The following MANSC1 variants were observed in gnomAD, a reference collection of about 807,000 sequenced individuals.
MANSC1 encodes MANSC domain containing 1, also known as MANSC domain-containing protein 1.
In MANSC1, 13 loss-of-function variants were observed where a neutral mutation model predicts 14.1. The ratio of observed to expected loss-of-function variants is 0.92; its 90% confidence interval spans 0.60 to 1.46. The LOEUF is 1.46. Ranked by LOEUF, MANSC1 falls within the 40% of genes most tolerant of loss-of-function variation. MANSC1 has a pLI of 0.00. For missense variants in MANSC1, 486 were observed against 511.4 expected (o/e 0.95, Z 0.48); for synonymous variants, 227 against 200.7 (o/e 1.13, Z -1.11).
chr12:12,338,796 G>A (rs1862894097), intron 2 of MANSC1: 2 of 553,100 alleles, frequency 3.6e-6, no homozygotes, highest in Non-Finnish European at 6.4e-6. Context: ...AGGCGAAGAA[G>A]GAAGCTCCTG....
At chr12:12,346,165 C>T (rs754343762) in intron 1 of MANSC1, among the ~76,000 whole-genome samples, 10 of 145,820 alleles carry the variant, frequency 6.9e-5, no homozygotes, top group Admixed American at 1.4e-4. Context: ...CCCAGCTACT[C>T]GGGAGGCTGA....
intron 1 of MANSC1, among the ~76,000 whole-genome samples, chr12:12,346,967 T>C (rs1477649551): frequency 1.4e-5 from 2 of 142,688 alleles, no homozygotes; most frequent in Non-Finnish European, 1.5e-5. Flanking sequence ...TTTGAGGTGG[T>C]TTTTTTTTTT....
At chr12:12,345,320 CAAA>C (rs35001300) in intron 1 of MANSC1, among the ~76,000 whole-genome samples, 3 of 93,098 alleles carry the variant, frequency 3.2e-5, no homozygotes, top group Non-Finnish European at 2.3e-5. Flanking sequence ...AACTCCGTCT[CAAA>C]AAAAAAAAAA....
In MANSC1 at chr12:12,332,097, C is replaced by T. The variant is rs73277472; in HGVS notation, c.365-1139G>A. Among the ~76,000 whole-genome samples the T allele has an allele frequency of 5.5e-3, 838 of 152,282 alleles. 7 individuals are homozygous for T. Among genetic ancestry groups the T allele is most frequent in the African/African-American group, 0.019 (804 of 41,562 alleles). ...ACAGCTCAAACTGGAAAGACCTGTT[C>T]AAGCAATCAAGTGCAGGGAATGACC... is the stretch of plus-strand genomic sequence containing the variant. On this transcript the variant is annotated intron_variant, in intron 3 of 3. Coordinates refer to ENST00000535902, the MANE Select transcript of MANSC1 (RefSeq NM_018050.4).
intron 2 of MANSC1, among the ~76,000 whole-genome samples, chr12:12,341,863 A>G (rs902002528): frequency 2.0e-5 from 3 of 152,220 alleles, no homozygotes; most frequent in Non-Finnish European, 2.9e-5. Context: ...GTGGTGGCGA[A>G]CACCTGTAAT....
intron 2 of MANSC1, 42 bp downstream of exon 2, chr12:12,343,050 A>C: frequency 6.9e-7 from 1 of 1,458,306 alleles, no homozygotes; most frequent in Non-Finnish European, 9.6e-7. Context: ...CTGAAGCCAC[A>C]AAACACATGG....
chr12:12,344,191 G>A (rs1862974185), intron 1 of MANSC1, among the ~76,000 whole-genome samples: 1 of 151,682 alleles, frequency 6.6e-6, no homozygotes, highest in African/African-American at 2.4e-5. Flanking sequence ...CCACTCTTTT[G>A]AATTGTTATT....
chr12:12,326,834 A>C lies in MANSC1; in HGVS notation c.*3193T>G, dbSNP rs1862713147. ...TTATTTTATTTTATTTTTTTGAGAT[A>C]GAGTCTTGCTCTGTCGCCTAGGCTG... On this transcript the variant is annotated 3_prime_UTR_variant, in exon 4 of 4. Transcript: ENST00000535902. 6.6e-6 allele frequency: 1 copy of C among 150,840 alleles called. No homozygotes were observed. 9.3% of individuals were successfully genotyped at this position (150,840 alleles called of 1,614,324 possible).
At chr12:12,338,153 A>C (rs765158223) in intron 3 of MANSC1, among the ~76,000 whole-genome samples, 6 of 152,240 alleles carry the variant, frequency 3.9e-5, no homozygotes, top group Non-Finnish European at 8.8e-5. Context: ...CTTGTTCTAA[A>C]GAGGTGCTTC....
rs890942577 is a variant in MANSC1 at position 12,329,756 on chromosome 12, T to C, written c.*271A>G. The C allele has an allele frequency of 2.9e-6, 1 of 345,420 alleles. No homozygotes were observed. The highest frequency in any genetic ancestry group is 5.3e-6 in the Non-Finnish European group (1 of 189,588). 21.4% of individuals were successfully genotyped at this position (345,420 alleles called of 1,614,324 possible). On this transcript the variant is annotated 3_prime_UTR_variant, in exon 4 of 4. Coordinates refer to ENST00000535902, the MANE Select transcript of MANSC1 (RefSeq NM_018050.4). ...AAAATCACCCAGGTGTGGTGGCACA[T>C]GCCTGTAATCCCAGATACTTAGGAG...
At position 12,343,352 on chromosome 12, in the gene MANSC1, G is replaced by C. The variant is rs747693604; in HGVS notation, c.-38C>G. 9 of 1,440,762 alleles carry C rather than the reference G, an allele frequency of 6.2e-6. No individual in the cohort carries two copies. In the African/African-American group the frequency reaches 1.3e-4, roughly 20 times the overall value. The allele number at this position is 1,440,762 out of a possible 1,614,324, so 89.2% of individuals were successfully genotyped here. A position where few individuals can be genotyped will look rare whatever the true frequency, so the allele number is the denominator to read the frequency against. ...TTTAGTTTTGGTCTTCAAAGGTCAA[G>C]GATAATCCTCCCTCTGGTCTTAGTT... On this transcript the variant is annotated 5_prime_UTR_variant, in exon 2 of 4. Transcript: ENST00000535902.
At chr12:12,333,059 A>ATATATATATATTTTT (rs536426090) in intron 3 of MANSC1, among the ~76,000 whole-genome samples, 12 of 150,920 alleles carry the variant, frequency 8.0e-5, no homozygotes, top group African/African-American at 2.9e-4. Context: ...ATATATATAT[A>ATATATATATATTTTT]TTTTTGAGAC....
At position 12,330,852 on chromosome 12, in the gene MANSC1, G is replaced by A; in HGVS notation, c.471C>T (p.His157=). ...TATCGGTGGGCTTTGAATAATCTGT[G>A]TGATGATGGGCTAGGGGAGTGACTG... is the stretch of plus-strand genomic sequence containing the variant. ...SQAVTPLAHH[H]TDYSKPTDIS... The change falls in exon 4 of 4, where the codon CAC becomes CAT. Residue 157 remains histidine (H), a synonymous_variant. Coordinates refer to ENST00000535902, the MANE Select transcript of MANSC1 (RefSeq NM_018050.4). The A allele has an allele frequency of 6.2e-7, 1 of 1,614,004 alleles. No homozygotes were observed. Among genetic ancestry groups the A allele is most frequent in the Non-Finnish European group, 8.5e-7 (1 of 1,179,878 alleles).
intron 2 of MANSC1, among the ~76,000 whole-genome samples, chr12:12,340,650 TTAACTGAGGTTCCAAG>T (rs780231597): frequency 2.6e-5 from 4 of 152,212 alleles, no homozygotes; most frequent in Admixed American, 6.5e-5. Flanking sequence ...TTGAGATCCA[TTAACTGAGGTTCCAAG>T]TACCTCTGCT....
At chr12:12,331,023 TACAA>T (rs1470901588) in intron 3 of MANSC1, 65 bp from the exon 4 acceptor site, 2 of 1,017,678 alleles carry the variant, frequency 2.0e-6, no homozygotes. Context: ...GTTAAAAAAA[TACAA>T]ACATATCAGC....
chr12:12,347,095 G>T (rs1270841094), intron 1 of MANSC1, among the ~76,000 whole-genome samples: 2 of 152,072 alleles, frequency 1.3e-5, no homozygotes, highest in Non-Finnish European at 2.9e-5. Context: ...TGGGGGTATG[G>T]TTCAGGATGA....
At chr12:12,341,400 A>G (rs1862930700) in intron 2 of MANSC1, among the ~76,000 whole-genome samples, 1 of 152,134 alleles carries the variant, frequency 6.6e-6, no homozygotes, top group African/African-American at 2.4e-5. Flanking sequence ...CTTCCCGATC[A>G]TCTAGGGGTT....
intron 2 of MANSC1, among the ~76,000 whole-genome samples, chr12:12,341,015 T>A (rs1862925951): frequency 6.6e-6 from 1 of 152,160 alleles, no homozygotes; most frequent in Non-Finnish European, 1.5e-5. Context: ...CATATCCTAC[T>A]ATTGAGTTCA....
intron 1 of MANSC1, among the ~76,000 whole-genome samples, chr12:12,345,982 A>C (rs193176113): frequency 1.3e-5 from 2 of 152,326 alleles, no homozygotes; most frequent in Admixed American, 6.5e-5. Context: ...TTAACATATC[A>C]GTGCTTCCTG....
Sources: allele counts gnomAD v4.1 joint callset (sites outside exome capture counted in the v4.1 genomes callset), GRCh38; gene constraint gnomAD v4.1.1; transcripts MANE v1.5; gene names NCBI Gene and HGNC (gene_info 2026-07-23, HGNC 2026-07-21).